Variants in SLIT2 observed in about 807,000 individuals in gnomAD.
SLIT2 encodes slit guidance ligand 2.
A neutral mutation model predicts 185.7 loss-of-function variants in SLIT2; 41 were observed. That is an observed-to-expected ratio of 0.22 (90% CI 0.17 to 0.29). The LOEUF is 0.29. Ranked by LOEUF, SLIT2 falls within the 10% of genes least tolerant of loss-of-function variation. The probability of loss-of-function intolerance (pLI) is 1.00; values close to 1 mark genes in which losing one functional copy is unlikely to be tolerated. For missense variants in SLIT2, 1,571 were observed against 1,909.0 expected (o/e 0.82, Z 3.30); for synonymous variants, 693 against 680.2 (o/e 1.02, Z -0.29).
Position 20,529,243 on chromosome 4 carries a change from GT to G in SLIT2, c.1613+145del, listed in dbSNP as rs1577863796. 4.8e-5 allele frequency: 28 copies of G among 587,124 alleles called. No homozygotes were observed. The East Asian group carries it at 8.1e-4, about 17-fold the overall frequency. The allele number at this position is 587,124 out of a possible 1,614,324, so 36.4% of individuals were successfully genotyped here. The stretch of plus-strand genomic sequence containing the variant: ...CATTACATTGGCATAACTCTATTTT[GT>G]ACAAGAATATATTAGAGGCTACCTT... On this transcript the variant is annotated intron_variant, in intron 16 of 36. Transcript: ENST00000504154.
At position 20,592,041 on chromosome 4, in the gene SLIT2, G is replaced by A. The variant is rs533397735; in HGVS notation, c.3182+2304G>A. Among the ~76,000 whole-genome samples, 7 of 152,198 alleles carry A rather than the reference G, an allele frequency of 4.6e-5. No individual in the cohort carries two copies. In the South Asian group the frequency reaches 1.0e-3, roughly 23 times the overall value. ...GTATGTAGGTAGTTTAGCAGAAAAC[G>A]GTTAGGTCAGTGTGTGTGCTGTTAC... On this transcript the variant is annotated intron_variant, in intron 30 of 36. Coordinates refer to ENST00000504154, the MANE Select transcript of SLIT2 (RefSeq NM_004787.4).
chr4:20,406,039 A>G lies in SLIT2; in HGVS notation c.396-61713A>G, dbSNP rs149036781. 9.6e-4 allele frequency among the ~76,000 whole-genome samples: 136 copies of G among 141,790 alleles called. 3 individuals are homozygous for G. The highest frequency in any genetic ancestry group is 3.1e-3 in the African/African-American group (128 of 40,978). 93.0% of individuals were successfully genotyped at this position (141,790 alleles called of 152,430 possible). A position where few individuals can be genotyped will look rare whatever the true frequency, so the allele number is the denominator to read the frequency against. ...GCTAATTCAGCCCTTGTATGATACT[A>G]CAGTCTCTTTCCCTGCCTTAAGGAA... On this transcript the variant is annotated intron_variant, in intron 4 of 36. Transcript: ENST00000504154.
chr4:20,410,670 G>A (rs1277637524), intron 4 of SLIT2, among the ~76,000 whole-genome samples: 1 of 152,102 alleles, frequency 6.6e-6, no homozygotes, highest in Admixed American at 6.5e-5. Flanking sequence ...TTATTAAATA[G>A]GGAATTCTTT....
chr4:20,544,260 A>G (rs925670321), intron 21 of SLIT2, among the ~76,000 whole-genome samples: 4 of 152,196 alleles, frequency 2.6e-5, no homozygotes, highest in African/African-American at 9.6e-5. Context: ...TTAGGAGTAC[A>G]CCAATGAAGA....
intron 4 of SLIT2, among the ~76,000 whole-genome samples, chr4:20,277,510 G>T (rs1453299356): frequency 6.6e-6 from 1 of 151,422 alleles, no homozygotes; most frequent in East Asian, 1.9e-4. Flanking sequence ...ATTTTCTAGG[G>T]TAAAACATTT....
chr4:20,548,403 A>G (rs1431337348), intron 22 of SLIT2, 85 bp from the exon 23 acceptor site: 4 of 724,882 alleles, frequency 5.5e-6, no homozygotes, highest in East Asian at 2.5e-5. Flanking sequence ...TGCTATGACT[A>G]TAAGAAGACC....
At chr4:20,545,484 C>T (rs971087750) in intron 21 of SLIT2, among the ~76,000 whole-genome samples, 1 of 149,656 alleles carries the variant, frequency 6.7e-6, no homozygotes, top group African/African-American at 2.5e-5. Flanking sequence ...TATATTTATA[C>T]ACTTCATCAA....
chr4:20,379,027 T>C (rs944784794), intron 4 of SLIT2, among the ~76,000 whole-genome samples: 7 of 152,210 alleles, frequency 4.6e-5, no homozygotes, highest in South Asian at 4.1e-4. Context: ...TCTGACAGAG[T>C]ACAGAGGGGT....
At chr4:20,327,006 G>A (rs867424260) in intron 4 of SLIT2, among the ~76,000 whole-genome samples, 1 of 151,618 alleles carries the variant, frequency 6.6e-6, no homozygotes, top group Non-Finnish European at 1.5e-5. Flanking sequence ...ATCTTAAAAC[G>A]GTGAAACTCA....
intron 4 of SLIT2, among the ~76,000 whole-genome samples, chr4:20,289,072 A>T (rs1434125784): frequency 6.6e-6 from 1 of 152,180 alleles, no homozygotes; most frequent in African/African-American, 2.4e-5. Context: ...TCAGGACTCT[A>T]ATAGGACAGA....
intron 4 of SLIT2, among the ~76,000 whole-genome samples, chr4:20,402,299 T>C (rs756326878): frequency 4.2e-4 from 64 of 151,898 alleles, no homozygotes; most frequent in Non-Finnish European, 7.7e-4. Flanking sequence ...GAAAATTAAG[T>C]GGCAGTCATT....
intron 4 of SLIT2, among the ~76,000 whole-genome samples, chr4:20,351,138 T>G (rs1577482101): frequency 6.6e-6 from 1 of 151,648 alleles, no homozygotes; most frequent in East Asian, 2.0e-4. Context: ...AACCTCCGCC[T>G]CCTGGGTTCA....
intron 9 of SLIT2, among the ~76,000 whole-genome samples, chr4:20,500,465 A>G (rs1163224081): frequency 6.6e-6 from 1 of 152,122 alleles, no homozygotes; most frequent in African/African-American, 2.4e-5. Context: ...CATTACTTTC[A>G]CTTCACATTT....
intron 33 of SLIT2, among the ~76,000 whole-genome samples, chr4:20,603,256 C>T (rs1349800786): frequency 3.3e-5 from 5 of 152,134 alleles, no homozygotes; most frequent in African/African-American, 1.2e-4. Context: ...GACTCATTCG[C>T]TACCATGATA....
At chr4:20,322,687 T>C (rs539677180) in intron 4 of SLIT2, among the ~76,000 whole-genome samples, 2 of 152,316 alleles carry the variant, frequency 1.3e-5, no homozygotes, top group East Asian at 1.9e-4. Context: ...TTCCCTTTGA[T>C]CATTATACTT....
intron 4 of SLIT2, among the ~76,000 whole-genome samples, chr4:20,279,061 T>A (rs950089922): frequency 2.0e-5 from 3 of 152,194 alleles, no homozygotes; most frequent in African/African-American, 7.2e-5. Flanking sequence ...TTTCAGTATT[T>A]ATTTTAGATA....
chr4:20,491,849 G>A lies in SLIT2; in HGVS notation c.864G>A (p.Gly288=), dbSNP rs778046258. 6.2e-6 allele frequency: 10 copies of A among 1,613,774 alleles called. No homozygotes were observed. Among genetic ancestry groups the A allele is most frequent in the South Asian group, 4.4e-5 (4 of 91,056 alleles). Reference sequence around the variant, plus strand: ...GCAACAATATCGTAGACTGTCGTGGGAAAGGTCTCACTGAGATCCCCACAA... The same window carrying A: ...GCAACAATATCGTAGACTGTCGTGGAAAAGGTCTCACTGAGATCCCCACAA... ...TCSNNIVDCR[G]KGLTEIPTNL... Residue 288 remains glycine (G), a synonymous_variant, in exon 9 of 37, where the codon GGG becomes GGA. Coordinates refer to ENST00000504154, the MANE Select transcript of SLIT2 (RefSeq NM_004787.4).
intron 8 of SLIT2, among the ~76,000 whole-genome samples, chr4:20,489,516 G>A (rs1717583150): frequency 6.6e-6 from 1 of 152,218 alleles, no homozygotes; most frequent in African/African-American, 2.4e-5. Flanking sequence ...AGGCACTGTG[G>A]CCCACGCCTG....
intron 33 of SLIT2, among the ~76,000 whole-genome samples, chr4:20,603,891 G>A (rs1333725826): frequency 1.3e-5 from 2 of 152,186 alleles, no homozygotes; most frequent in East Asian, 3.9e-4. Context: ...TGGTATTCTT[G>A]TTTTCAAGAT....
Sources: allele counts gnomAD v4.1 joint callset (sites outside exome capture counted in the v4.1 genomes callset), GRCh38; gene constraint gnomAD v4.1.1; transcripts MANE v1.5; gene names NCBI Gene and HGNC (gene_info 2026-07-23, HGNC 2026-07-21).